The following TAB2 variants were observed in gnomAD, a reference collection of about 807,000 sequenced individuals.
TAB2 encodes TGF-beta activated kinase 1 (MAP3K7) binding protein 2.
Under a neutral mutation model 65.0 loss-of-function variants are expected in TAB2, and 3 were observed. That is an observed-to-expected ratio of 0.05 (90% CI 0.02 to 0.12). The LOEUF is 0.12. TAB2 is among the 10% of genes least tolerant of loss of function. The probability of loss-of-function intolerance (pLI) is 1.00; values close to 1 mark genes in which losing one functional copy is unlikely to be tolerated. For missense variants in TAB2, 623 were observed against 840.3 expected, an observed-to-expected ratio of 0.74 and a Z score of 3.20; for synonymous variants, 298 against 285.1, an observed-to-expected ratio of 1.05 and a Z score of -0.46.
At chr6:149,317,689 G>T, upstream of TAB2, 1 of 160,344 alleles carries the variant, frequency 6.2e-6, no homozygotes, top group Non-Finnish European at 1.4e-5. This position sits in a 1 kb window ranked among gnomAD's most constrained non-coding sequence, Gnocchi z 4.7. Flanking sequence ...CTGAGGATTG[G>T]GGAGCGGCGA....
chr6:149,360,667 A>C (rs1379016654), intron 1 of TAB2, among the ~76,000 whole-genome samples: 1 of 152,176 alleles, frequency 6.6e-6, no homozygotes, highest in East Asian at 1.9e-4. Context: ...CACATTTCAA[A>C]ATATAATCAT....
At chr6:149,312,288 A>G (rs1779178838) in intron 1 of TAB2, among the ~76,000 whole-genome samples, 1 of 152,234 alleles carries the variant, frequency 6.6e-6, no homozygotes, top group South Asian at 2.1e-4. Flanking sequence ...AATAAGATAA[A>G]AATGAATGAA....
intron 3 of TAB2, among the ~76,000 whole-genome samples, chr6:149,385,516 C>T (rs908160752): frequency 2.6e-5 from 4 of 152,312 alleles, no homozygotes; most frequent in Non-Finnish European, 5.9e-5. Flanking sequence ...ATAATAAACT[C>T]AGCAATTAAG....
intron 1 of TAB2, among the ~76,000 whole-genome samples, chr6:149,268,221 C>T (rs1280608695): frequency 3.3e-5 from 5 of 152,150 alleles, no homozygotes; most frequent in African/African-American, 7.2e-5. Flanking sequence ...GGCTCCTTCT[C>T]GGTTGTTCTG....
chr6:149,403,313 T>TACACATATATATATATAC (rs1782537929), intron 6 of TAB2, among the ~76,000 whole-genome samples: 2 of 66,848 alleles, frequency 3.0e-5, no homozygotes, highest in African/African-American at 1.3e-4. Flanking sequence ...TATATATATA[T>TACACATATATATATATAC]ACACACACAT....
intron 3 of TAB2, among the ~76,000 whole-genome samples, chr6:149,391,291 T>C (rs1051363066): frequency 2.0e-5 from 3 of 152,190 alleles, no homozygotes; most frequent in African/African-American, 4.8e-5. Context: ...TCTTTGTCTT[T>C]AGTAGTCTGA....
intron 1 of TAB2, among the ~76,000 whole-genome samples, chr6:149,327,457 G>A (rs1779653514): frequency 1.3e-5 from 2 of 152,124 alleles, no homozygotes; most frequent in Admixed American, 1.3e-4. Flanking sequence ...GCATGCCACT[G>A]AGCCTGGCAA....
At chr6:149,285,481 C>T (rs373668373) in intron 1 of TAB2, among the ~76,000 whole-genome samples, 1 of 152,202 alleles carries the variant, frequency 6.6e-6, no homozygotes, top group African/African-American at 2.4e-5. Flanking sequence ...GGTTTTTATA[C>T]ATTTCCACTT....
intron 6 of TAB2, among the ~76,000 whole-genome samples, chr6:149,404,989 G>A (rs995488258): frequency 2.6e-5 from 4 of 152,158 alleles, no homozygotes; most frequent in Non-Finnish European, 5.9e-5. Context: ...TTCAGAAAGG[G>A]AGAAAATATT....
intron 1 of TAB2, among the ~76,000 whole-genome samples, chr6:149,356,309 A>C (rs1014330785): frequency 6.6e-6 from 1 of 152,222 alleles, no homozygotes; most frequent in African/African-American, 2.4e-5. Flanking sequence ...GTGAGACTCA[A>C]CTTCATTTTA....
intron 1 of TAB2, among the ~76,000 whole-genome samples, chr6:149,353,329 A>G (rs1780552215): frequency 1.3e-5 from 2 of 152,196 alleles, no homozygotes; most frequent in African/African-American, 4.8e-5. Flanking sequence ...ACGCAGGAAT[A>G]TAATACAGAA....
chr6:149,253,972 A>AAG (rs372892888), intron 1 of TAB2, among the ~76,000 whole-genome samples: 1 of 119,480 alleles, frequency 8.4e-6, no homozygotes, highest in African/African-American at 2.9e-5. Flanking sequence ...GAAAGAAAGA[A>AAG]AGAAAGAAAG....
intron 3 of TAB2, among the ~76,000 whole-genome samples, chr6:149,391,450 C>T (rs958884726): frequency 6.6e-6 from 1 of 151,882 alleles, no homozygotes; most frequent in African/African-American, 2.4e-5. Context: ...TTCTAGACCT[C>T]CTCTTGTTTA....
intron 1 of TAB2, among the ~76,000 whole-genome samples, chr6:149,269,564 A>C (rs1047044992): frequency 2.6e-5 from 4 of 152,150 alleles, no homozygotes; most frequent in Non-Finnish European, 5.9e-5. Flanking sequence ...ACATCACCCT[A>C]AAAAATTCCT....
At chr6:149,278,393 A>T (rs755947858) in intron 1 of TAB2, among the ~76,000 whole-genome samples, 2 of 152,244 alleles carry the variant, frequency 1.3e-5, no homozygotes, top group Non-Finnish European at 2.9e-5. Context: ...AAAACATATG[A>T]CTAGTTAGAG....
At chr6:149,399,952 TAA>T (rs1782314940) in intron 6 of TAB2, among the ~76,000 whole-genome samples, 1 of 152,244 alleles carries the variant, frequency 6.6e-6, no homozygotes, top group Non-Finnish European at 1.5e-5. Context: ...CATTTGAAGT[TAA>T]GTTGTTATCA....
intron 1 of TAB2, among the ~76,000 whole-genome samples, chr6:149,348,450 G>C (rs1022557539): frequency 6.6e-6 from 1 of 151,760 alleles, no homozygotes; most frequent in African/African-American, 2.4e-5. Flanking sequence ...AAAAAAAACT[G>C]TTAGCATCAT....
chr6:149,346,018 G>C (rs1454397268), intron 1 of TAB2, among the ~76,000 whole-genome samples: 2 of 152,106 alleles, frequency 1.3e-5, no homozygotes, highest in African/African-American at 4.8e-5. Flanking sequence ...GTTTTTAGAA[G>C]CACACACTGG....
chr6:149,347,497 A>G (rs1780344017), intron 1 of TAB2, among the ~76,000 whole-genome samples: 1 of 152,222 alleles, frequency 6.6e-6, no homozygotes, highest in Admixed American at 6.5e-5. Flanking sequence ...AAATCTGAAC[A>G]TAATAGCTAA....
Sources: gnomAD v4.1 joint callset for allele counts (sites outside exome capture counted in the v4.1 genomes callset) on GRCh38, gnomAD v4.1.1 for gene constraint, Gnocchi (gnomAD v3.1) non-coding constraint, MANE v1.5 for transcripts, NCBI Gene and HGNC (gene_info 2026-07-23, HGNC 2026-07-21) for gene names.